The following DNAH9 variants were observed in gnomAD, a reference collection of about 807,000 sequenced individuals.
DNAH9 encodes DNAH9 variant protein.
In DNAH9, 345 loss-of-function variants were observed where a neutral mutation model predicts 471.6. The ratio of observed to expected loss-of-function variants is 0.73; its 90% CI spans 0.67 to 0.80. DNAH9 has a LOEUF of 0.80. Among genes scored for constraint, DNAH9 ranks in the 30% least tolerant of loss-of-function variants. The pLI, the probability that DNAH9 is intolerant of heterozygous loss-of-function variation, is 0.00. For missense variants in DNAH9, 5,407 were observed against 5,609.2 expected, an observed-to-expected ratio of 0.96 and a Z score of 1.15; for synonymous variants, 2,093 against 2,123.6, an observed-to-expected ratio of 0.99 and a Z score of 0.40.
Position 11,763,532 on chromosome 17 carries a change from C to T in DNAH9, c.7088C>T (p.Ala2363Val), listed in dbSNP as rs2150869888. The part of the protein sequence containing the change: ...ECLLTTEDIP[A>V]DCPKEIYEHY... ...CTCCTGACCACGGAGGACATCCCTG[C>T]AGACTGCCCTAAGGAAATTTATGAG... The change falls in exon 36 of 69, where the codon GCA becomes GTA. Residue 2363 changes from alanine to valine, a missense_variant. Physicochemically the swap from Ala to Val is moderately conservative, Grantham distance 64 (BLOSUM62 0). Coordinates refer to ENST00000262442, the MANE Select transcript of DNAH9 (RefSeq NM_001372.4). 6.2e-7 allele frequency: 1 copy of T among 1,613,928 alleles called. No homozygotes were observed. The highest frequency in any genetic ancestry group is 8.5e-7 in the Non-Finnish European group (1 of 1,179,792).
At chr17:11,951,102 A>C (rs557149718) in intron 67 of DNAH9, among the ~76,000 whole-genome samples, 1 of 152,228 alleles carries the variant, frequency 6.6e-6, no homozygotes, top group Admixed American at 6.5e-5. Flanking sequence ...AACCCCAAAC[A>C]ATTTTGTATA....
At chr17:11,759,517 C>CAT (rs1967560590) in intron 35 of DNAH9, among the ~76,000 whole-genome samples, 2 of 83,936 alleles carry the variant, frequency 2.4e-5, no homozygotes, top group Admixed American at 3.5e-4. Flanking sequence ...ATACACACCA[C>CAT]TTTTTTTTTT....
In DNAH9 at chr17:11,811,592, G is replaced by A. The variant is rs143656614; in HGVS notation, c.8707+1223G>A. On this transcript the variant is annotated intron_variant, in intron 45 of 68. Transcript: ENST00000262442. ...ATTCAGCTGACTCTTCCTCCTTTCA[G>A]TCTCATCACTCCAACCTCAGCTGTC... Among the ~76,000 whole-genome samples, 91 of 152,202 alleles carry A rather than the reference G, an allele frequency of 6.0e-4. No homozygotes were observed. The East Asian group carries it at 0.011, about 18-fold the overall frequency.
rs560475009 is a variant in DNAH9, at chr17:11,821,939, C to T, written c.8727C>T (p.Tyr2909=). ...TCCCAGGGGAGATCCCAGATCTCTA[C>T]TCTGATGATGAAGTTGAAAACATCA... The part of the protein sequence containing the change: ...LLASGEIPDL[Y]SDDEVENIIS... The change falls in exon 46 of 69, where the codon TAC becomes TAT. Residue 2909 remains tyrosine, a synonymous_variant. Coordinates refer to ENST00000262442, the MANE Select transcript of DNAH9 (RefSeq NM_001372.4). 3 of 1,613,746 alleles carry T rather than the reference C, an allele frequency of 1.9e-6. No homozygotes were observed. Among genetic ancestry groups the T allele is most frequent in the Non-Finnish European group, 2.5e-6 (3 of 1,179,892 alleles).
intron 67 of DNAH9, among the ~76,000 whole-genome samples, chr17:11,951,302 T>C (rs1975353022): frequency 6.6e-6 from 1 of 152,232 alleles, no homozygotes; most frequent in African/African-American, 2.4e-5. Context: ...TCATGACTTT[T>C]TGACACATCT....
rs758744727 is a variant in DNAH9 at position 11,763,620 on chromosome 17, G to A, written c.7170+6G>A. ...GAGCAATGGTCCAAGATCAGGTAAG[G>A]AGATATGTTGAGCTCAACAACCACA... is the stretch of plus-strand genomic sequence containing the variant. On this transcript the variant is annotated splice_donor_region_variant and intron_variant, in intron 36 of 68. Coordinates refer to ENST00000262442, the MANE Select transcript of DNAH9 (RefSeq NM_001372.4). 3 of 1,613,236 alleles carry A rather than the reference G, an allele frequency of 1.9e-6. No homozygotes were observed. The highest frequency in any genetic ancestry group is 1.7e-5 in the Admixed American group (1 of 59,922).
intron 49 of DNAH9, among the ~76,000 whole-genome samples, chr17:11,844,867 C>T (rs1040191114): frequency 6.6e-6 from 1 of 152,112 alleles, no homozygotes; most frequent in Non-Finnish European, 1.5e-5. Flanking sequence ...GATTGTATTT[C>T]ATTGCGGTTT....
chr17:11,952,306 A>ATTTTTTTTT (rs1567572771), intron 67 of DNAH9, among the ~76,000 whole-genome samples: 3 of 93,102 alleles, frequency 3.2e-5, no homozygotes, highest in African/African-American at 1.2e-4. Flanking sequence ...CACCCAGCTA[A>ATTTTTTTTT]TTCTTTTTTT....
intron 21 of DNAH9, 123 bp from the exon 22 acceptor site, chr17:11,694,198 C>CT (rs1439899008): frequency 4.1e-5 from 53 of 1,283,326 alleles, no homozygotes; most frequent in Non-Finnish European, 5.3e-5. Flanking sequence ...GCAAATATCT[C>CT]TAAGTGTTTC....
intron 63 of DNAH9, among the ~76,000 whole-genome samples, chr17:11,930,992 GGTCCAAGCCC>G (rs532127267): frequency 4.1e-4 from 63 of 152,222 alleles, no homozygotes; most frequent in Non-Finnish European, 7.9e-4. Context: ...TTTGAAGCCA[GGTCCAAGCCC>G]GTGGTGGCCA....
chr17:11,752,726 C>A, intron 32 of DNAH9, 107 bp from the exon 33 acceptor site: 3 of 811,014 alleles, frequency 3.7e-6, no homozygotes, highest in Non-Finnish European at 5.6e-6. Flanking sequence ...TTTGCATGTT[C>A]CATGTACGCC....
intron 17 of DNAH9, among the ~76,000 whole-genome samples, chr17:11,676,187 T>C (rs1280164990): frequency 6.6e-6 from 1 of 152,042 alleles, no homozygotes; most frequent in Non-Finnish European, 1.5e-5. Context: ...CATGTAAATC[T>C]TCAAATTATT....
At position 11,690,430 on chromosome 17, in the gene DNAH9, A is replaced by G. The variant is rs140422503; in HGVS notation, c.4608A>G (p.Leu1536=). The change falls in exon 20 of 69, where the codon CTA becomes CTG. Residue 1536 remains leucine, a synonymous_variant. Coordinates refer to ENST00000262442, the MANE Select transcript of DNAH9 (RefSeq NM_001372.4). The part of the protein sequence containing the change: ...FTGSEDIRAQ[L]PQDSKRFEGI... Reference sequence around the variant, plus strand: ...GATCTGAAGATATTCGGGCACAGCTACCCCAGGTACCTGCTAAGGAAATCT... The same window carrying G: ...GATCTGAAGATATTCGGGCACAGCTGCCCCAGGTACCTGCTAAGGAAATCT... 15 of 1,612,114 alleles carry G rather than the reference A, an allele frequency of 9.3e-6. No individual in the cohort carries two copies. In the African/African-American group the frequency reaches 1.7e-4, roughly 19 times the overall value.
intron 17 of DNAH9, among the ~76,000 whole-genome samples, chr17:11,674,659 T>C (rs2074022790): frequency 6.6e-6 from 1 of 152,208 alleles, no homozygotes; most frequent in Non-Finnish European, 1.5e-5. Context: ...ACTCCACTTA[T>C]GGTGTATTCT....
intron 58 of DNAH9, among the ~76,000 whole-genome samples, chr17:11,893,601 AAACT>A (rs1973129334): frequency 6.6e-6 from 1 of 152,320 alleles, no homozygotes; most frequent in South Asian, 2.1e-4. Flanking sequence ...CATTCTCAGC[AAACT>A]AACACAGGAA....
At chr17:11,733,816 G>A (rs557100512) in intron 28 of DNAH9, among the ~76,000 whole-genome samples, 9 of 140,356 alleles carry the variant, frequency 6.4e-5, no homozygotes, top group South Asian at 2.2e-4. Flanking sequence ...AGCCGAGATC[G>A]TGCCACTACA....
At chr17:11,698,248 A>AATATAT (rs2074522702) in intron 22 of DNAH9, among the ~76,000 whole-genome samples, 1 of 44,214 alleles carries the variant, frequency 2.3e-5, no homozygotes, top group African/African-American at 6.4e-5. Flanking sequence ...ATTATATAAT[A>AATATAT]TATTAATATA....
chr17:11,645,489 C>T (rs1183283112), intron 11 of DNAH9, among the ~76,000 whole-genome samples: 1 of 152,186 alleles, frequency 6.6e-6, no homozygotes, highest in Admixed American at 6.5e-5. Flanking sequence ...TCAGTACCCA[C>T]ATTGTTACCA....
At chr17:11,850,322 C>T (rs771955103) in intron 49 of DNAH9, among the ~76,000 whole-genome samples, 7 of 152,156 alleles carry the variant, frequency 4.6e-5, no homozygotes, top group South Asian at 2.1e-4. Flanking sequence ...GAGCCCAGAG[C>T]GCCTGTGCCT....
Sources: allele counts gnomAD v4.1 joint callset (sites outside exome capture counted in the v4.1 genomes callset), GRCh38; gene constraint gnomAD v4.1.1; transcripts MANE v1.5; gene names NCBI Gene and HGNC (gene_info 2026-07-23, HGNC 2026-07-21).